SEC22C: variants seen among roughly 807,000 people sequenced by gnomAD.
The protein encoded by SEC22C is vesicle-trafficking protein SEC22c.
In SEC22C, 29 loss-of-function variants were observed where a neutral mutation model predicts 34.7. The ratio of observed to expected loss-of-function variants is 0.84; its 90% CI spans 0.62 to 1.14. The LOEUF (loss-of-function observed/expected upper bound fraction) is 1.14. Ranked by LOEUF, SEC22C falls within the 50% of genes most tolerant of loss-of-function variation. SEC22C has a pLI of 0.00. For synonymous variants in SEC22C, 117 were observed against 132.8 expected, an observed-to-expected ratio of 0.88 and a Z score of 0.82; for missense variants, 337 against 369.0, an observed-to-expected ratio of 0.91 and a Z score of 0.71.
intron 1 of SEC22C, chr3:42,591,537 A>C (rs768317935): frequency 6.2e-7 from 1 of 1,613,860 alleles, no homozygotes; most frequent in Non-Finnish European, 8.5e-7. Context: ...CCTTGAGGAG[A>C]ATGACCAGCT....
In SEC22C at chr3:42,568,920, G is replaced by A. The variant is rs567411655; in HGVS notation, c.127C>T (p.Arg43Ter). The A allele has an allele frequency of 1.3e-5, 21 of 1,614,102 alleles. No individual in the cohort carries two copies. The Admixed American group carries it at 2.3e-4, about 18-fold the overall frequency. ...CCTCGACCTGGATACTGGGCCAGTC[G>A]CAAGGCTAAACTCTTGAGCCGTCTC... is the stretch of plus-strand genomic sequence containing the variant. Reference protein sequence around the residue: ...WRRRLKSLALRLAQYPGRGSA... With the variant: ...WRRRLKSLAL The change falls in exon 2 of 7, where the codon CGA (arginine) becomes TGA (stop). Residue 43 changes from arginine to a stop codon, truncating the protein, a stop_gained. Transcript: ENST00000264454. LOFTEE classifies it high-confidence loss of function.
intron 1 of SEC22C, among the ~76,000 whole-genome samples, chr3:42,570,924 T>C (rs902120155): frequency 6.6e-6 from 1 of 152,092 alleles, no homozygotes; most frequent in Non-Finnish European, 1.5e-5. Flanking sequence ...AGCCAAGATA[T>C]GAAGACATTG....
chr3:42,589,091 C>T (rs13095447), intron 1 of SEC22C, among the ~76,000 whole-genome samples: 25,991 of 151,402 alleles, frequency 0.17, 2,710 homozygotes, highest in African/African-American at 0.29. Flanking sequence ...GGTGAAACCC[C>T]ATGTCTACTA....
At chr3:42,554,377 C>T (rs1323439577) in intron 6 of SEC22C, among the ~76,000 whole-genome samples, 3 of 152,122 alleles carry the variant, frequency 2.0e-5, no homozygotes. Flanking sequence ...CAATGTCTTT[C>T]TCTGTTGCCC....
chr3:42,594,441 A>G, intron 1 of SEC22C: 2 of 1,613,992 alleles, frequency 1.2e-6, no homozygotes, highest in Non-Finnish European at 1.7e-6. Context: ...TGTGTTACAT[A>G]GAAATCTCAT....
chr3:42,553,557 T>C lies in SEC22C; in HGVS notation c.712-109A>G, dbSNP rs986306483. ...ATGAAGAGTGTCATTTCTCTCACAT[T>C]AGCTGATTAAACTGAATTCATTACA... is the stretch of plus-strand genomic sequence containing the variant. On this transcript the variant is annotated intron_variant, in intron 6 of 6. Transcript: ENST00000264454. 4 of 1,445,178 alleles carry C rather than the reference T, an allele frequency of 2.8e-6. No individual in the cohort carries two copies. The African/African-American group carries it at 5.7e-5, about 21-fold the overall frequency. The allele number at this position is 1,445,178 out of a possible 1,614,324, so 89.5% of individuals were successfully genotyped here.
At chr3:42,595,970 A>G (rs72864020) in intron 1 of SEC22C, among the ~76,000 whole-genome samples, 2,563 of 152,286 alleles carry the variant, frequency 0.017, 68 homozygotes, top group African/African-American at 0.058. Context: ...TAATGTGCTG[A>G]GGGCTCTGGC....
intron 2 of SEC22C, 59 bp downstream of exon 2, chr3:42,568,806 G>T: frequency 1.4e-6 from 2 of 1,386,884 alleles, no homozygotes; most frequent in Non-Finnish European, 2.0e-6. Flanking sequence ...ATCACTACAT[G>T]TAGTTAAAAG....
At chr3:42,570,071 AG>A (rs1703521867) in intron 1 of SEC22C, among the ~76,000 whole-genome samples, 1 of 152,184 alleles carries the variant, frequency 6.6e-6, no homozygotes, top group South Asian at 2.1e-4. Context: ...CTCTACTATC[AG>A]GCCCTTTACT....
At chr3:42,574,382 A>T (rs946157245) in intron 1 of SEC22C, among the ~76,000 whole-genome samples, 1 of 147,580 alleles carries the variant, frequency 6.8e-6, no homozygotes, top group Non-Finnish European at 1.5e-5. Context: ...AAAAAAAAAA[A>T]GGAATAAAAG....
At chr3:42,593,540 G>C (rs768631599) in intron 1 of SEC22C, among the ~76,000 whole-genome samples, 6 of 152,148 alleles carry the variant, frequency 3.9e-5, no homozygotes, top group Non-Finnish European at 5.9e-5. Context: ...CTAAGGGGAG[G>C]AGGGAGGTGT....
chr3:42,551,156 G>A lies in SEC22C; in HGVS notation c.*2092C>T, dbSNP rs1702237723. On this transcript the variant is annotated 3_prime_UTR_variant, in exon 7 of 7. Coordinates refer to ENST00000264454, the MANE Select transcript of SEC22C (RefSeq NM_032970.4). Reference sequence around the variant, plus strand: ...TGTTATTGACTTTTAAAGCTTTTTTGTTCTTCTCATTTAAAACATTTTACC... The same window carrying A: ...TGTTATTGACTTTTAAAGCTTTTTTATTCTTCTCATTTAAAACATTTTACC... 1 of 985,068 alleles carries A rather than the reference G, an allele frequency of 1.0e-6. No homozygotes were observed. Among genetic ancestry groups the A allele is most frequent in the Non-Finnish European group, 1.2e-6 (1 of 829,852 alleles). 61.0% of individuals were successfully genotyped at this position (985,068 alleles called of 1,614,324 possible).
At chr3:42,594,474 G>A in intron 1 of SEC22C, 1 of 1,613,946 alleles carries the variant, frequency 6.2e-7, no homozygotes, top group Non-Finnish European at 8.5e-7. Context: ...CATTGCAGAT[G>A]CCAGTCCAAC....
chr3:42,581,927 C>T lies in SEC22C; in HGVS notation c.-109G>A, dbSNP rs368242581. ...CAGCAATCTTAGCCGACCGGGAGGG[C>T]TCGGCCCAGGTCACCGGCAGCCCAG... On this transcript the variant is annotated 5_prime_UTR_variant, in exon 1 of 7. Transcript: ENST00000264454. 2.6e-5 allele frequency: 4 copies of T among 152,224 alleles called. No individual in the cohort carries two copies. Among genetic ancestry groups the T allele is most frequent in the African/African-American group, 7.3e-5 (3 of 41,368 alleles). The allele number at this position is 152,224 out of a possible 1,614,324, so 9.4% of individuals were successfully genotyped here.
At chr3:42,582,448 G>T (rs1428022497), upstream of SEC22C, 6 of 152,362 alleles carry the variant, frequency 3.9e-5, no homozygotes, top group Non-Finnish European at 8.8e-5. Context: ...GACCCAGGGG[G>T]ACACACCCCA....
chr3:42,590,997 G>A (rs1186930584), intron 1 of SEC22C: 4 of 1,546,142 alleles, frequency 2.6e-6, no homozygotes, highest in Non-Finnish European at 3.5e-6. Flanking sequence ...GCGGGCGGGC[G>A]GAGAGAAGTC....
In SEC22C at chr3:42,550,689, T is replaced by TG. The variant is rs1559507260; in HGVS notation, c.*2558dup. 6.1e-6 allele frequency: 6 copies of TG among 985,214 alleles called. No homozygotes were observed. The highest frequency in any genetic ancestry group is 7.2e-6 in the Non-Finnish European group (6 of 829,920). 61.0% of individuals were successfully genotyped at this position (985,214 alleles called of 1,614,324 possible). A position where few individuals can be genotyped will look rare whatever the true frequency, so the allele number is the denominator to read the frequency against. On this transcript the variant is annotated 3_prime_UTR_variant, in exon 7 of 7. Coordinates refer to ENST00000264454, the MANE Select transcript of SEC22C (RefSeq NM_032970.4). ...CTGGTGTGGATAACATCTCTGGTAG[T>TG]GCCTCGGTGGTCAGGAAGCATTACC...
chr3:42,550,523 TTC>T lies in SEC22C; in HGVS notation c.*2723_*2724del, dbSNP rs1458898014. 1 of 985,326 alleles carries T rather than the reference TTC, an allele frequency of 1.0e-6. No individual in the cohort carries two copies. Among genetic ancestry groups the T allele is most frequent in the Admixed American group, 6.1e-5 (1 of 16,274 alleles). The allele number at this position is 985,326 out of a possible 1,614,324, so 61.0% of individuals were successfully genotyped here. A position where few individuals can be genotyped will look rare whatever the true frequency, so the allele number is the denominator to read the frequency against. On this transcript the variant is annotated 3_prime_UTR_variant, in exon 7 of 7. Transcript: ENST00000264454. ...GTCTCTTCCTTCAGTGAGCTGAGGA[TTC>T]TTTTAGCTAGCTGGATTTCAGTCAA...
intron 1 of SEC22C, among the ~76,000 whole-genome samples, chr3:42,599,516 C>A (rs1329001316): frequency 6.7e-6 from 1 of 150,260 alleles, no homozygotes; most frequent in Non-Finnish European, 1.5e-5. Context: ...AACGGTGAAA[C>A]CCCGTCTCTA....
Sources: allele counts gnomAD v4.1 joint callset (sites outside exome capture counted in the v4.1 genomes callset), GRCh38; gene constraint gnomAD v4.1.1; transcripts MANE v1.5; gene names NCBI Gene and HGNC (gene_info 2026-07-23, HGNC 2026-07-21).